NEK10: variants seen among roughly 807,000 people sequenced by gnomAD.
NEK10 encodes serine/threonine-protein kinase Nek10.
A neutral mutation model predicts 159.8 loss-of-function variants in NEK10; 122 were observed. The ratio of observed to expected loss-of-function variants is 0.76; its 90% CI spans 0.66 to 0.89. The LOEUF is 0.89. NEK10 is among the 40% of genes least tolerant of loss of function. The probability of loss-of-function intolerance (pLI) is 0.00; values close to 1 mark genes in which losing one functional copy is unlikely to be tolerated. For synonymous variants in NEK10, 466 were observed against 457.1 expected (o/e 1.02, Z -0.25); for missense variants, 1,342 against 1,323.1 (o/e 1.01, Z -0.22).
intron 1 of NEK10, among the ~76,000 whole-genome samples, chr3:27,365,802 G>A (rs568490470): frequency 1.3e-4 from 19 of 151,802 alleles, no homozygotes; most frequent in African/African-American, 4.1e-4. Flanking sequence ...TAATAGAGAC[G>A]GGGTTTCACC....
intron 23 of NEK10, among the ~76,000 whole-genome samples, chr3:27,208,615 A>T (rs1021971923): frequency 2.0e-5 from 3 of 152,212 alleles, no homozygotes; most frequent in Non-Finnish European, 1.5e-5. Context: ...GAAGGGAAAG[A>T]TGATCCCCTC....
At chr3:27,223,219 C>T (rs1327498425) in intron 23 of NEK10, among the ~76,000 whole-genome samples, 3 of 152,136 alleles carry the variant, frequency 2.0e-5, no homozygotes, top group Non-Finnish European at 4.4e-5. Flanking sequence ...ACATCTTTAT[C>T]CTCTTCCTCC....
At chr3:27,293,801 A>G (rs1287516942) in intron 15 of NEK10, 149 bp from the exon 16 acceptor site, 2 of 550,152 alleles carry the variant, frequency 3.6e-6, no homozygotes, top group Non-Finnish European at 6.5e-6. Context: ...CTGAAAACAA[A>G]AAACACCAAC....
intron 11 of NEK10, among the ~76,000 whole-genome samples, chr3:27,305,625 A>T (rs2370955): frequency 1.9e-3 from 77 of 40,518 alleles, no homozygotes; most frequent in Middle Eastern, 0.013. Context: ...AAAAAAAAAA[A>T]AAAAATAATA....
chr3:27,219,428 A>G (rs1041902431), intron 23 of NEK10, among the ~76,000 whole-genome samples: 1 of 152,222 alleles, frequency 6.6e-6, no homozygotes, highest in African/African-American at 2.4e-5. Context: ...CTTGAAGACT[A>G]GTTATCATTT....
intron 13 of NEK10, among the ~76,000 whole-genome samples, chr3:27,299,864 A>C (rs2043666164): frequency 6.6e-6 from 1 of 152,160 alleles, no homozygotes; most frequent in Non-Finnish European, 1.5e-5. Context: ...CATTTGGAAC[A>C]GCTGTATTTA....
At chr3:27,186,518 C>T (rs764027665) in intron 26 of NEK10, among the ~76,000 whole-genome samples, 2 of 152,098 alleles carry the variant, frequency 1.3e-5, no homozygotes, top group African/African-American at 2.4e-5. Flanking sequence ...CCAGCAGATG[C>T]GAACCTTGGG....
chr3:27,134,020 T>C (rs1942921827), intron 31 of NEK10, among the ~76,000 whole-genome samples: 2 of 151,030 alleles, frequency 1.3e-5, no homozygotes, highest in Non-Finnish European at 2.9e-5. Flanking sequence ...TCCTTTCACA[T>C]GAAATGAAAG....
At chr3:27,154,248 A>G (rs894074830) in intron 30 of NEK10, among the ~76,000 whole-genome samples, 1 of 152,174 alleles carries the variant, frequency 6.6e-6, no homozygotes, top group South Asian at 2.1e-4. Context: ...AGCTTAAATC[A>G]GGAAGAATTA....
At chr3:27,128,689 T>A (rs1942262158) in intron 32 of NEK10, among the ~76,000 whole-genome samples, 1 of 152,062 alleles carries the variant, frequency 6.6e-6, no homozygotes, top group African/African-American at 2.4e-5. Context: ...CCTTATTTAA[T>A]GCTTTCAATT....
chr3:27,147,856 C>T (rs6794314), intron 30 of NEK10, among the ~76,000 whole-genome samples: 150,581 of 152,330 alleles, frequency 0.99, 74,427 homozygotes, highest in East Asian at 1. Context: ...TTATGTCAGC[C>T]CTTCTTTCTT....
intron 3 of NEK10, among the ~76,000 whole-genome samples, chr3:27,349,631 T>C (rs1341766672): frequency 6.6e-6 from 1 of 152,188 alleles, no homozygotes; most frequent in Non-Finnish European, 1.5e-5. Context: ...TTTTTTAAAA[T>C]TCCAAATAAA....
intron 11 of NEK10, among the ~76,000 whole-genome samples, chr3:27,306,654 C>A (rs559890454): frequency 2.0e-5 from 3 of 152,234 alleles, no homozygotes; most frequent in Non-Finnish European, 2.9e-5. Flanking sequence ...ACCATCATGA[C>A]CTGGATAAAG....
At chr3:27,281,893 G>A (rs1320116340) in intron 22 of NEK10, among the ~76,000 whole-genome samples, 1 of 152,146 alleles carries the variant, frequency 6.6e-6, no homozygotes, top group Non-Finnish European at 1.5e-5. Flanking sequence ...AAATAGTACT[G>A]AGAGGGTTTT....
At chr3:27,354,171 T>G (rs143339103) in intron 1 of NEK10, among the ~76,000 whole-genome samples, 11 of 152,278 alleles carry the variant, frequency 7.2e-5, no homozygotes, top group African/African-American at 2.4e-4. Flanking sequence ...GACTATAGTT[T>G]AGAAGCAGAA....
At chr3:27,318,481 T>C (rs766698230) in intron 6 of NEK10, among the ~76,000 whole-genome samples, 1 of 152,246 alleles carries the variant, frequency 6.6e-6, no homozygotes. Flanking sequence ...AGAATGTATC[T>C]GTTTATATTT....
intron 22 of NEK10, among the ~76,000 whole-genome samples, chr3:27,273,326 C>A (rs1250930494): frequency 6.6e-6 from 1 of 152,238 alleles, no homozygotes; most frequent in Non-Finnish European, 1.5e-5. Context: ...ATGTCTTTTT[C>A]GTTACCTGAA....
intron 1 of NEK10, among the ~76,000 whole-genome samples, chr3:27,359,999 T>C (rs2048570706): frequency 6.6e-6 from 1 of 152,192 alleles, no homozygotes; most frequent in Admixed American, 6.5e-5. Context: ...GTCAAATTGC[T>C]GGAAAATAAA....
At chr3:27,365,608 G>GTTTTTTTTTTTT (rs1559571320) in intron 1 of NEK10, among the ~76,000 whole-genome samples, 1 of 64,948 alleles carries the variant, frequency 1.5e-5, no homozygotes, top group African/African-American at 7.2e-5. Flanking sequence ...TTTTTTTTTT[G>GTTTTTTTTTTTT]TGTTTTTTTT....
Sources: allele counts gnomAD v4.1 joint callset (sites outside exome capture counted in the v4.1 genomes callset), GRCh38; gene constraint gnomAD v4.1.1; transcripts MANE v1.5; gene names NCBI Gene and HGNC (gene_info 2026-07-23, HGNC 2026-07-21).